Variants in DPP10 observed in about 807,000 individuals in gnomAD.
DPP10 encodes inactive dipeptidyl peptidase 10.
DPP10 carries 33 observed loss-of-function variants against 120.9 expected under a neutral mutation model. That is an observed-to-expected ratio of 0.27 (90% CI 0.21 to 0.37). The LOEUF is 0.37. DPP10 is among the 10% of genes least tolerant of loss of function. The pLI is 1.00. For synonymous variants in DPP10, 337 were observed against 326.1 expected (o/e 1.03, Z -0.36); for missense variants, 816 against 942.8 (o/e 0.87, Z 1.76).
intron 1 of DPP10, among the ~76,000 whole-genome samples, chr2:114,472,592 A>G (rs1271829664): frequency 6.6e-6 from 1 of 152,192 alleles, no homozygotes; most frequent in Non-Finnish European, 1.5e-5. Flanking sequence ...GCTGCGTCTC[A>G]GCCTAATATT....
intron 1 of DPP10, among the ~76,000 whole-genome samples, chr2:114,462,472 G>C (rs60008862): frequency 0.019 from 2,852 of 152,242 alleles, 86 homozygotes; most frequent in African/African-American, 0.066. Flanking sequence ...GTTTTGAGAA[G>C]TACTGGTCCC....
intron 1 of DPP10, among the ~76,000 whole-genome samples, chr2:115,221,212 T>C (rs2057137985): frequency 2.0e-5 from 3 of 152,162 alleles, no homozygotes; most frequent in Non-Finnish European, 4.4e-5. Context: ...ATTAGCCATC[T>C]GGCTGTGTTA....
chr2:114,916,889 T>A (rs891790141), intron 1 of DPP10, among the ~76,000 whole-genome samples: 1 of 152,174 alleles, frequency 6.6e-6, no homozygotes, highest in Non-Finnish European at 1.5e-5. Context: ...GTTGGAAGCA[T>A]TCCCCTGGAG....
chr2:115,233,700 G>T (rs1035592406), intron 1 of DPP10, among the ~76,000 whole-genome samples: 1 of 152,168 alleles, frequency 6.6e-6, no homozygotes, highest in Non-Finnish European at 1.5e-5. Flanking sequence ...ATTGACAGCA[G>T]AGTCTGCCAC....
At chr2:115,807,633 G>C (rs1380644417) in intron 19 of DPP10, among the ~76,000 whole-genome samples, 3 of 152,054 alleles carry the variant, frequency 2.0e-5, no homozygotes, top group Non-Finnish European at 2.9e-5. Flanking sequence ...AGACAAGGAA[G>C]AGTGCCTTTG....
Position 114,648,948 on chromosome 2 carries a change from C to T in DPP10, c.60+206110C>T, listed in dbSNP as rs568832336. Among the ~76,000 whole-genome samples the T allele has an allele frequency of 5.3e-5, 8 of 152,280 alleles. No individual in the cohort carries two copies. The South Asian group carries it at 6.2e-4, about 12-fold the overall frequency. On this transcript the variant is annotated intron_variant, in intron 1 of 25. Transcript: ENST00000410059. ...ATCCTTTCTGTAATTCCTCTGTAGA[C>T]GTGCAAGTATGATCCTTCTCATGAG...
intron 19 of DPP10, among the ~76,000 whole-genome samples, chr2:115,808,504 G>A (rs1027618176): frequency 6.6e-6 from 1 of 152,154 alleles, no homozygotes; most frequent in African/African-American, 2.4e-5. Context: ...CCAAGGACCA[G>A]GCACTTTACG....
intron 1 of DPP10, among the ~76,000 whole-genome samples, chr2:114,536,891 G>A (rs1282693682): frequency 2.0e-5 from 3 of 152,084 alleles, no homozygotes; most frequent in African/African-American, 7.2e-5. Flanking sequence ...CCTACATAAA[G>A]TTTGCTGCTA....
intron 1 of DPP10, among the ~76,000 whole-genome samples, chr2:114,664,645 A>AG (rs1226653661): frequency 6.6e-6 from 1 of 150,810 alleles, no homozygotes; most frequent in Non-Finnish European, 1.5e-5. Flanking sequence ...AAAAAAAAAA[A>AG]AAAGAAAGAA....
At chr2:114,850,619 G>T (rs1315869629) in intron 1 of DPP10, among the ~76,000 whole-genome samples, 1 of 151,992 alleles carries the variant, frequency 6.6e-6, no homozygotes, top group Admixed American at 6.6e-5. Context: ...ATGAGAAGTT[G>T]GGGGTTGGTA....
At chr2:114,603,031 C>T (rs578261856) in intron 1 of DPP10, among the ~76,000 whole-genome samples, 2 of 152,158 alleles carry the variant, frequency 1.3e-5, no homozygotes, top group Non-Finnish European at 2.9e-5. Context: ...AGACTACATG[C>T]TAGACAGTCC....
chr2:114,590,950 A>C lies in DPP10; in HGVS notation c.60+148112A>C, dbSNP rs191936549. Among the ~76,000 whole-genome samples, 340 of 152,308 alleles carry C rather than the reference A, an allele frequency of 2.2e-3. 1 individual carries two copies. Among genetic ancestry groups the C allele is most frequent in the African/African-American group, 8.0e-3 (331 of 41,560 alleles). On this transcript the variant is annotated intron_variant, in intron 1 of 25. Coordinates refer to ENST00000410059, the MANE Select transcript of DPP10 (RefSeq NM_020868.6). ...AGCCTATAAGGGCCATCTCTAGCAC[A>C]ACACTGGATATGTGATTGGTGATAA...
Position 114,615,489 on chromosome 2 carries a change from G to T in DPP10, c.60+172651G>T, listed in dbSNP as rs915147299. Among the ~76,000 whole-genome samples the T allele has an allele frequency of 2.6e-5, 4 of 152,242 alleles. No individual in the cohort carries two copies. The Middle Eastern group carries it at 0.014, about 518-fold the overall frequency. On this transcript the variant is annotated intron_variant, in intron 1 of 25. Transcript: ENST00000410059. ...GGAGAGACAAAAGATCTAGTGCTTA[G>T]CAGAGTCCTCAACTCATCACTAATA... is the stretch of plus-strand genomic sequence containing the variant.
chr2:114,821,953 T>C (rs1037849617), intron 1 of DPP10, among the ~76,000 whole-genome samples: 4 of 152,142 alleles, frequency 2.6e-5, no homozygotes, highest in African/African-American at 7.2e-5. Context: ...TCTGTGAATT[T>C]TCCAGGTACA....
intron 1 of DPP10, among the ~76,000 whole-genome samples, chr2:115,037,673 T>A (rs1453173465): frequency 6.6e-6 from 1 of 152,216 alleles, no homozygotes; most frequent in Non-Finnish European, 1.5e-5. Context: ...GTCTTTATGT[T>A]TAACAAGCAA....
intron 2 of DPP10, among the ~76,000 whole-genome samples, chr2:115,329,998 T>C (rs1433466554): frequency 3.3e-5 from 5 of 152,148 alleles, no homozygotes; most frequent in Admixed American, 2.0e-4. Flanking sequence ...TTCTAGATCC[T>C]TGAGGAATCG....
chr2:115,719,997 C>T (rs868536336), intron 7 of DPP10, among the ~76,000 whole-genome samples: 17 of 152,114 alleles, frequency 1.1e-4, no homozygotes, highest in African/African-American at 4.1e-4. Context: ...TTTTTGTATG[C>T]GTCTTTTGAT....
intron 5 of DPP10, among the ~76,000 whole-genome samples, chr2:115,545,589 C>G (rs551643414): frequency 6.6e-6 from 1 of 152,190 alleles, no homozygotes; most frequent in Non-Finnish European, 1.5e-5. Flanking sequence ...CAGTGAGAGA[C>G]TTGGTGTGGT....
intron 1 of DPP10, among the ~76,000 whole-genome samples, chr2:115,270,388 A>G (rs186404213): frequency 6.6e-6 from 1 of 152,126 alleles, no homozygotes; most frequent in African/African-American, 2.4e-5. Context: ...CCATCAGATC[A>G]GGAGCAGATA....
Sources: allele counts gnomAD v4.1 joint callset (sites outside exome capture counted in the v4.1 genomes callset), GRCh38; gene constraint gnomAD v4.1.1; transcripts MANE v1.5; gene names NCBI Gene and HGNC (gene_info 2026-07-23, HGNC 2026-07-21).